The following SGCZ variants were observed in gnomAD, a reference collection of about 807,000 sequenced individuals.
The protein encoded by SGCZ is zeta-sarcoglycan.
In SGCZ, 40 loss-of-function variants were observed where a neutral mutation model predicts 41.3. That is an observed-to-expected ratio of 0.97 (90% CI 0.75 to 1.26). The LOEUF is 1.26. SGCZ is among the 50% of genes most tolerant of loss of function. SGCZ has a pLI of 0.00. For missense variants in SGCZ, 552 were observed against 369.8 expected (o/e 1.49, Z -4.04); for synonymous variants, 206 against 137.5 (o/e 1.50, Z -3.49).
chr8:14,781,028 T>C (rs927353629), intron 1 of SGCZ, among the ~76,000 whole-genome samples: 1 of 152,206 alleles, frequency 6.6e-6, no homozygotes, highest in African/African-American at 2.4e-5. Context: ...ACTTTTGTCA[T>C]CATTCTATAA....
chr8:14,908,291 T>C (rs889049719), intron 1 of SGCZ, among the ~76,000 whole-genome samples: 2 of 152,192 alleles, frequency 1.3e-5, no homozygotes, highest in Non-Finnish European at 2.9e-5. Context: ...ATGGTCCTTG[T>C]TTTGAAAATG....
intron 1 of SGCZ, among the ~76,000 whole-genome samples, chr8:14,786,839 TAA>T (rs200134491): frequency 1.0e-5 from 1 of 99,912 alleles, no homozygotes; most frequent in Non-Finnish European, 2.1e-5. Flanking sequence ...AAAGCAGGTT[TAA>T]AAAAAAAAAA....
intron 1 of SGCZ, among the ~76,000 whole-genome samples, chr8:14,812,765 C>T (rs1277244397): frequency 1.3e-5 from 2 of 152,112 alleles, no homozygotes; most frequent in East Asian, 3.9e-4. Context: ...TTTAACTTAA[C>T]AGTGCTTTTA....
Position 14,179,786 on chromosome 8 carries a change from C to G in SGCZ, c.425-15084G>C, listed in dbSNP as rs187592960. On this transcript the variant is annotated intron_variant, in intron 4 of 7. Coordinates refer to ENST00000382080, the MANE Select transcript of SGCZ (RefSeq NM_139167.4). ...CTGTTCCCCAGACAGAAAACTAACT[C>G]CAGGTATTCCTATACTTACTGGGCT... 2.0e-5 allele frequency among the ~76,000 whole-genome samples: 3 copies of G among 152,222 alleles called. No homozygotes were observed. The East Asian group carries it at 5.8e-4, about 29-fold the overall frequency.
intron 5 of SGCZ, among the ~76,000 whole-genome samples, chr8:14,146,655 G>A (rs1360745927): frequency 2.0e-5 from 3 of 151,744 alleles, no homozygotes; most frequent in Middle Eastern, 3.2e-3. Context: ...GGCGGATCAC[G>A]AGGTCAGGAG....
intron 2 of SGCZ, among the ~76,000 whole-genome samples, chr8:14,395,121 C>T (rs1798874586): frequency 6.6e-6 from 1 of 152,106 alleles, no homozygotes; most frequent in Non-Finnish European, 1.5e-5. Flanking sequence ...TCAGTAAATA[C>T]TCTATAATTA....
At chr8:14,551,856 C>A (rs1803880201) in intron 2 of SGCZ, among the ~76,000 whole-genome samples, 1 of 150,542 alleles carries the variant, frequency 6.6e-6, no homozygotes, top group Admixed American at 6.7e-5. Context: ...CAATCATATA[C>A]ATCATGCAGA....
chr8:14,185,993 T>C lies in SGCZ; in HGVS notation c.425-21291A>G, dbSNP rs184673435. On this transcript the variant is annotated intron_variant, in intron 4 of 7. Transcript: ENST00000382080. ...GATTAGTTTGGATATCTAATAGGCA[T>C]TGGATGTTAGTTTGTCCCAATACAA... 3.4e-3 allele frequency among the ~76,000 whole-genome samples: 512 copies of C among 152,334 alleles called. 2 individuals are homozygous for C. Among genetic ancestry groups the C allele is most frequent in the Admixed American group, 6.2e-3 (95 of 15,306 alleles).
chr8:14,677,564 A>C (rs1418595615), intron 1 of SGCZ, among the ~76,000 whole-genome samples: 2 of 152,138 alleles, frequency 1.3e-5, no homozygotes, highest in Non-Finnish European at 2.9e-5. Flanking sequence ...TGAGGCCAGG[A>C]GTTAGAGGCC....
chr8:15,163,125 G>A (rs1296924335), intron 1 of SGCZ, among the ~76,000 whole-genome samples: 4 of 152,170 alleles, frequency 2.6e-5, no homozygotes. Flanking sequence ...ATGGGATTCT[G>A]TACGTAACAG....
At chr8:14,424,674 A>G (rs780672812) in intron 2 of SGCZ, among the ~76,000 whole-genome samples, 14 of 152,148 alleles carry the variant, frequency 9.2e-5, no homozygotes, top group Non-Finnish European at 2.1e-4. Context: ...TTCATATATC[A>G]TTTAACCAAT....
intron 2 of SGCZ, among the ~76,000 whole-genome samples, chr8:14,365,777 T>A (rs7828732): frequency 0.018 from 2,772 of 152,238 alleles, 85 homozygotes; most frequent in African/African-American, 0.063. Flanking sequence ...AAAAATTTAG[T>A]CATTTTATTT....
intron 1 of SGCZ, among the ~76,000 whole-genome samples, chr8:14,935,413 C>T (rs1800052940): frequency 6.6e-6 from 1 of 150,480 alleles, no homozygotes; most frequent in Non-Finnish European, 1.5e-5. Flanking sequence ...TGAAGGACAT[C>T]TGGGTCACTC....
intron 4 of SGCZ, among the ~76,000 whole-genome samples, chr8:14,210,232 C>T (rs1356954981): frequency 1.3e-5 from 2 of 151,914 alleles, no homozygotes; most frequent in Non-Finnish European, 2.9e-5. Context: ...CTAATTTTTG[C>T]ATTTTTAGTA....
At chr8:14,383,271 G>C (rs1804437805) in intron 2 of SGCZ, among the ~76,000 whole-genome samples, 1 of 152,204 alleles carries the variant, frequency 6.6e-6, no homozygotes, top group South Asian at 2.1e-4. Flanking sequence ...CTCTGATTTT[G>C]AAGAAATACT....
chr8:14,511,562 G>C (rs11987942), intron 2 of SGCZ, among the ~76,000 whole-genome samples: 5,958 of 151,994 alleles, frequency 0.039, 316 homozygotes, highest in African/African-American at 0.12. Context: ...AAACAAAATA[G>C]AGATCTTATA....
chr8:14,891,825 A>G (rs575664116), intron 1 of SGCZ, among the ~76,000 whole-genome samples: 72 of 152,344 alleles, frequency 4.7e-4, no homozygotes, highest in African/African-American at 1.7e-3. Context: ...CACCCTCATC[A>G]GTCAGCATCT....
chr8:14,687,969 G>GT, intron 1 of SGCZ, among the ~76,000 whole-genome samples: 1 of 152,258 alleles, frequency 6.6e-6, no homozygotes, highest in African/African-American at 2.4e-5. Context: ...TTTTTCATGT[G>GT]TTTTTTGGCT....
intron 1 of SGCZ, among the ~76,000 whole-genome samples, chr8:14,689,237 CT>C (rs1258939708): frequency 6.6e-6 from 1 of 151,882 alleles, no homozygotes; most frequent in Non-Finnish European, 1.5e-5. Context: ...ATCTATATAG[CT>C]TTTTTGAAAA....
Sources: allele counts gnomAD v4.1 joint callset (sites outside exome capture counted in the v4.1 genomes callset), GRCh38; gene constraint gnomAD v4.1.1; transcripts MANE v1.5; gene names NCBI Gene and HGNC (gene_info 2026-07-23, HGNC 2026-07-21).